VPS35L: variants seen among roughly 807,000 people sequenced by gnomAD.
The protein encoded by VPS35L is VPS35 endosomal protein sorting factor like, also known as VPS35 endosomal protein-sorting factor-like.
In VPS35L, 83 loss-of-function variants were observed where a neutral mutation model predicts 133.0. The ratio of observed to expected loss-of-function variants is 0.62; its 90% CI spans 0.52 to 0.75. The LOEUF is 0.75. Among genes scored for constraint, VPS35L ranks in the 30% least tolerant of loss-of-function variants. The pLI is 0.00. For missense variants in VPS35L, 1,083 were observed against 1,206.8 expected (o/e 0.90, Z 1.52); for synonymous variants, 423 against 449.9 (o/e 0.94, Z 0.76).
intron 14 of VPS35L, among the ~76,000 whole-genome samples, chr16:19,618,395 G>A (rs571539528): frequency 6.6e-6 from 1 of 152,338 alleles, no homozygotes; most frequent in African/African-American, 2.4e-5. Context: ...AAAATTGGAG[G>A]CAAGCATCAG....
At chr16:19,588,098 C>T (rs1472226937) in intron 7 of VPS35L, among the ~76,000 whole-genome samples, 1 of 151,874 alleles carries the variant, frequency 6.6e-6, no homozygotes, top group Admixed American at 6.6e-5. Flanking sequence ...CTGCGCCTGG[C>T]CAGTTCCACA....
intron 1 of VPS35L, among the ~76,000 whole-genome samples, chr16:19,556,610 T>C (rs2151493847): frequency 6.6e-6 from 1 of 152,326 alleles, no homozygotes; most frequent in Middle Eastern, 3.4e-3. Flanking sequence ...TAATTTACTT[T>C]CTCTTCAAAT....
At chr16:19,695,237 C>T (rs1431123988) in intron 29 of VPS35L, among the ~76,000 whole-genome samples, 1 of 152,214 alleles carries the variant, frequency 6.6e-6, no homozygotes, top group Non-Finnish European at 1.5e-5. Context: ...TACGTGTCTT[C>T]ATACCGAGGC....
chr16:19,585,760 T>C (rs1181206367), intron 7 of VPS35L, among the ~76,000 whole-genome samples: 2 of 152,088 alleles, frequency 1.3e-5, no homozygotes, highest in Non-Finnish European at 2.9e-5. Context: ...TGGTACCTCA[T>C]TGTGGTTTTA....
At chr16:19,623,458 A>T (rs1973148531) in intron 14 of VPS35L, among the ~76,000 whole-genome samples, 1 of 152,092 alleles carries the variant, frequency 6.6e-6, no homozygotes, top group Non-Finnish European at 1.5e-5. Flanking sequence ...TTTAACCTAG[A>T]ATAGTGATAT....
chr16:19,683,280 A>G (rs1475430631), intron 28 of VPS35L, among the ~76,000 whole-genome samples: 2 of 152,234 alleles, frequency 1.3e-5, no homozygotes, highest in African/African-American at 2.4e-5. Flanking sequence ...ACATCAGACC[A>G]GTCTGGAGAA....
In VPS35L at chr16:19,601,741, C is replaced by T; in HGVS notation, c.784+18C>T. On this transcript the variant is annotated intron_variant, in intron 9 of 30. Coordinates refer to ENST00000417362, the MANE Select transcript of VPS35L (RefSeq NM_020314.7). The stretch of plus-strand genomic sequence containing the variant: ...CTTACCAGGTAATGTCGCAGCTGTT[C>T]CTGGGGTGTCATTCTGCCCTGGAGT... 6.2e-7 allele frequency: 1 copy of T among 1,613,442 alleles called. No homozygotes were observed. Among genetic ancestry groups the T allele is most frequent in the Non-Finnish European group, 8.5e-7 (1 of 1,179,506 alleles).
At chr16:19,660,085 G>A (rs1359344848) in intron 26 of VPS35L, among the ~76,000 whole-genome samples, 1 of 152,126 alleles carries the variant, frequency 6.6e-6, no homozygotes, top group African/African-American at 2.4e-5. Context: ...CAGCACTTTG[G>A]GAGGCCGAGA....
chr16:19,561,964 G>A (rs1031079320), intron 1 of VPS35L, among the ~76,000 whole-genome samples: 13 of 151,984 alleles, frequency 8.6e-5, no homozygotes, highest in South Asian at 2.1e-4. Context: ...AAAATTAGCC[G>A]GGCGTGGGGG....
intron 11 of VPS35L, 83 bp from the exon 12 acceptor site, chr16:19,610,239 A>T: frequency 8.6e-7 from 1 of 1,162,228 alleles, no homozygotes. Context: ...GAAATTTAGG[A>T]AGTCTTTATC....
Position 19,573,156 on chromosome 16 carries a change from C to A in VPS35L, c.323C>A (p.Ser108Tyr). ...SRRKRDRDDNSVVGSDFEPWT... is the reference protein window; with the variant it reads ...SRRKRDRDDNYVVGSDFEPWT... ...AGGAAACGTGATAGAGATGATAACT[C>A]CGTTGTAGGATCGGATTTTGAGCCT... Residue 108 changes from serine (S) to tyrosine (Y), a missense_variant, in exon 4 of 31, where the codon TCC becomes TAC. Physicochemically the swap from Ser to Tyr is moderately radical, Grantham distance 144. Transcript: ENST00000417362. 1 of 1,613,888 alleles carries A rather than the reference C, an allele frequency of 6.2e-7. No homozygotes were observed. The highest frequency in any genetic ancestry group is 1.1e-5 in the South Asian group (1 of 91,074).
At chr16:19,585,263 G>A (rs1207731451) in intron 7 of VPS35L, among the ~76,000 whole-genome samples, 2 of 152,108 alleles carry the variant, frequency 1.3e-5, no homozygotes, top group African/African-American at 4.8e-5. Context: ...GAATTGCTGG[G>A]TCATATGGTA....
intron 26 of VPS35L, among the ~76,000 whole-genome samples, chr16:19,668,663 G>T (rs1230152084): frequency 6.6e-6 from 1 of 151,586 alleles, no homozygotes; most frequent in Non-Finnish European, 1.5e-5. Flanking sequence ...AACAAAAATG[G>T]TGTGCACTAG....
chr16:19,567,918 C>T (rs889052864), intron 2 of VPS35L, among the ~76,000 whole-genome samples: 4 of 151,048 alleles, frequency 2.6e-5, no homozygotes, highest in South Asian at 2.1e-4. Context: ...TACAGTGAAC[C>T]GTGATCACAC....
At position 19,648,328 on chromosome 16, in the gene VPS35L, C is replaced by G. The variant is rs541325496; in HGVS notation, c.2028+446C>G. 2.6e-5 allele frequency among the ~76,000 whole-genome samples: 4 copies of G among 152,208 alleles called. No homozygotes were observed. The South Asian group carries it at 8.3e-4, about 32-fold the overall frequency. On this transcript the variant is annotated intron_variant, in intron 24 of 30. Transcript: ENST00000417362. Reference sequence around the variant, plus strand: ...CTCTATGGTATGAAAGGTGGTTTCTCAAAGGTTAATAAACTTACAACTTTG... The same window carrying G: ...CTCTATGGTATGAAAGGTGGTTTCTGAAAGGTTAATAAACTTACAACTTTG...
intron 8 of VPS35L, among the ~76,000 whole-genome samples, chr16:19,599,613 ATC>A (rs1972320203): frequency 6.6e-6 from 1 of 150,742 alleles, no homozygotes. Flanking sequence ...CATAGCTTCT[ATC>A]TCTGCCTCTC....
intron 7 of VPS35L, among the ~76,000 whole-genome samples, chr16:19,584,206 T>C (rs1971792871): frequency 6.6e-6 from 1 of 152,230 alleles, no homozygotes; most frequent in Admixed American, 6.5e-5. Context: ...TTTCTTTTCT[T>C]TAGATGATAA....
intron 5 of VPS35L, among the ~76,000 whole-genome samples, chr16:19,576,099 G>A (rs1971526509): frequency 6.7e-6 from 1 of 150,042 alleles, no homozygotes; most frequent in Non-Finnish European, 1.5e-5. Context: ...CTGGGAGGCG[G>A]AGGTTGCAGT....
rs1342536717 is a variant in VPS35L, at chr16:19,640,006, T to C, written c.1699-9T>C. On this transcript the variant is annotated splice_polypyrimidine_tract_variant and intron_variant, in intron 20 of 30. Transcript: ENST00000417362. ...TCATTTGCATATAGAGTGCTTGCTT[T>C]ATTTATAGGAAAAATTTCTGCCGTT... The C allele has an allele frequency of 6.2e-7, 1 of 1,613,306 alleles. No individual in the cohort carries two copies. The highest frequency in any genetic ancestry group is 2.2e-5 in the East Asian group (1 of 44,872).
Sources: allele counts gnomAD v4.1 joint callset (sites outside exome capture counted in the v4.1 genomes callset), GRCh38; gene constraint gnomAD v4.1.1; transcripts MANE v1.5; gene names NCBI Gene and HGNC (gene_info 2026-07-23, HGNC 2026-07-21).